TMIGD3: variants seen among roughly 807,000 people sequenced by gnomAD.
The protein encoded by TMIGD3 is transmembrane and immunoglobulin domain containing 3, also known as AD026 protein (AD026).
A neutral mutation model predicts 28.1 loss-of-function variants in TMIGD3; 21 were observed. The ratio of observed to expected loss-of-function variants is 0.75; its 90% CI spans 0.53 to 1.08. The LOEUF (loss-of-function observed/expected upper bound fraction) is 1.08. Ranked by LOEUF, TMIGD3 falls within the 50% of genes least tolerant of loss-of-function variation. The pLI, the probability that TMIGD3 is intolerant of heterozygous loss-of-function variation, is 0.00. For synonymous variants in TMIGD3, 151 were observed against 162.1 expected (o/e 0.93, Z 0.52); for missense variants, 416 against 435.6 (o/e 0.96, Z 0.40).
chr1:111,511,922 G>A lies in TMIGD3; in HGVS notation c.108-21160C>T, dbSNP rs999505452. ...TCTTGCCCCAAATCACAGTGTTCAT[G>A]ATGGGGTTTTTAGGACACAACACAT... is the stretch of plus-strand genomic sequence containing the variant. On this transcript the variant is annotated intron_variant, in intron 1 of 5. Transcript: ENST00000369717. Among the ~76,000 whole-genome samples, 40 of 152,200 alleles carry A rather than the reference G, an allele frequency of 2.6e-4. 1 individual carries two copies. The highest frequency in any genetic ancestry group is 8.9e-4 in the African/African-American group (37 of 41,446).
intron 1 of TMIGD3, among the ~76,000 whole-genome samples, chr1:111,522,267 T>C (rs1571433484): frequency 6.6e-6 from 1 of 152,360 alleles, no homozygotes; most frequent in East Asian, 1.9e-4. Context: ...CATACATACA[T>C]TTTAAAATCA....
intron 1 of TMIGD3, among the ~76,000 whole-genome samples, chr1:111,539,940 C>T (rs1267528040): frequency 1.3e-5 from 2 of 151,982 alleles, no homozygotes; most frequent in African/African-American, 4.8e-5. Context: ...ATGTTTGGTG[C>T]GTGACTAATG....
chr1:111,501,490 A>C (rs950909593), intron 1 of TMIGD3: 1 of 152,260 alleles, frequency 6.6e-6, no homozygotes, highest in South Asian at 2.1e-4. Flanking sequence ...TGAAAATAAT[A>C]GTAATGATAG....
intron 1 of TMIGD3, among the ~76,000 whole-genome samples, chr1:111,558,467 A>G (rs1163639093): frequency 6.6e-6 from 1 of 152,154 alleles, no homozygotes; most frequent in Non-Finnish European, 1.5e-5. Flanking sequence ...GACTACAGGC[A>G]TAAGCCAAAG....
At chr1:111,505,063 C>T, upstream of TMIGD3, 1 of 964,370 alleles carries the variant, frequency 1.0e-6, no homozygotes, top group Admixed American at 8.3e-5. Flanking sequence ...TAATTGTTTT[C>T]TTTATCTGTG....
intron 1 of TMIGD3, chr1:111,499,380 A>G: frequency 2.0e-6 from 2 of 984,400 alleles, no homozygotes; most frequent in South Asian, 9.3e-5. Flanking sequence ...AAAGACAGCC[A>G]GCTGGGTCTT....
chr1:111,500,795 G>T lies in TMIGD3; in HGVS notation c.350+2210C>A, dbSNP rs895316214. 1.1e-5 allele frequency: 6 copies of T among 552,576 alleles called. No individual in the cohort carries two copies. The Admixed American group carries it at 1.3e-4, about 12-fold the overall frequency. The allele number at this position is 552,576 out of a possible 1,614,324, so 34.2% of individuals were successfully genotyped here. On this transcript the variant is annotated intron_variant, in intron 1 of 5. Coordinates refer to ENST00000369716, the MANE Select transcript of TMIGD3 (RefSeq NM_020683.7). ...GAAAAATCCAGGAAACTTCTCTGGGGACTTTTCTAAAGAAGAAAACTCTTG... is the reference window on the plus strand; with the variant it reads ...GAAAAATCCAGGAAACTTCTCTGGGTACTTTTCTAAAGAAGAAAACTCTTG...
At chr1:111,563,439 G>A (rs1202446693) in intron 1 of TMIGD3, among the ~76,000 whole-genome samples, 1 of 152,150 alleles carries the variant, frequency 6.6e-6, no homozygotes, top group Non-Finnish European at 1.5e-5. Context: ...GTTCTCCAAG[G>A]CCAGATTGAG....
At chr1:111,550,704 C>CCCAT (rs1222962833) in intron 1 of TMIGD3, among the ~76,000 whole-genome samples, 2 of 152,164 alleles carry the variant, frequency 1.3e-5, no homozygotes, top group African/African-American at 2.4e-5. Flanking sequence ...CTATGTTGCC[C>CCCAT]AGCAGGCCTT....
chr1:111,500,576 C>A, intron 1 of TMIGD3: 1 of 1,610,130 alleles, frequency 6.2e-7, no homozygotes, highest in Non-Finnish European at 8.5e-7. Flanking sequence ...TGAAGAGAGT[C>A]AGTGAGTCCA....
At chr1:111,524,047 T>TGG (rs371004556) in intron 1 of TMIGD3, among the ~76,000 whole-genome samples, 14 of 130,272 alleles carry the variant, frequency 1.1e-4, no homozygotes, top group Non-Finnish European at 1.3e-4. Context: ...TTTTTTTTTT[T>TGG]GGGATGGAAT....
Position 111,485,853 on chromosome 1 carries a change from A to G in TMIGD3, c.873-13T>C, listed in dbSNP as rs746209274. On this transcript the variant is annotated splice_polypyrimidine_tract_variant and intron_variant, in intron 4 of 5. Coordinates refer to ENST00000369716, the MANE Select transcript of TMIGD3 (RefSeq NM_020683.7). Reference sequence around the variant, plus strand: ...GAGAATGGACGTCCTAGAAGGAACCACAGCAGATTTCATGTTGCTTGGAAG... The same window carrying G: ...GAGAATGGACGTCCTAGAAGGAACCGCAGCAGATTTCATGTTGCTTGGAAG... 2 of 1,591,692 alleles carry G rather than the reference A, an allele frequency of 1.3e-6. No individual in the cohort carries two copies. Among genetic ancestry groups the G allele is most frequent in the South Asian group, 2.3e-5 (2 of 88,484 alleles).
intron 1 of TMIGD3, among the ~76,000 whole-genome samples, chr1:111,523,517 A>G (rs1656149947): frequency 6.6e-6 from 1 of 152,160 alleles, no homozygotes; most frequent in South Asian, 2.1e-4. Context: ...CAAAGAGTGG[A>G]TTTCATAGAA....
chr1:111,537,380 C>T (rs1656673052), intron 1 of TMIGD3, among the ~76,000 whole-genome samples: 1 of 152,130 alleles, frequency 6.6e-6, no homozygotes, highest in Non-Finnish European at 1.5e-5. Context: ...ATTTATAGCT[C>T]CTAGCACAGC....
chr1:111,499,667 C>G, intron 1 of TMIGD3: 1 of 1,201,696 alleles, frequency 8.3e-7, no homozygotes, highest in Non-Finnish European at 1.0e-6. Flanking sequence ...ATGACTTATT[C>G]TTCTATTGGG....
At chr1:111,502,049 A>ATATAATAAATATATAGGATATATATAT (rs71099910) in intron 1 of TMIGD3, among the ~76,000 whole-genome samples, 10,762 of 90,402 alleles carry the variant, frequency 0.12, 3,446 homozygotes, top group Middle Eastern at 0.18. Context: ...TATATATTTA[A>ATATAATAAATATATAGGATATATATAT]TATAATAAAT....
rs150902315 is a variant in TMIGD3 at position 111,552,568 on chromosome 1, A to G, written c.107+11278T>C. ...ACCATAATTCACCATTTTTTTATCC[A>G]CTATATCCAGAAAATCACCAAAGAC... On this transcript the variant is annotated intron_variant, in intron 1 of 5. Transcript: ENST00000369717. Among the ~76,000 whole-genome samples the G allele has an allele frequency of 3.3e-5, 5 of 152,260 alleles. No homozygotes were observed. The East Asian group carries it at 9.6e-4, about 29-fold the overall frequency.
chr1:111,497,706 A>T (rs918205280), intron 1 of TMIGD3, among the ~76,000 whole-genome samples: 2 of 152,192 alleles, frequency 1.3e-5, no homozygotes, highest in African/African-American at 4.8e-5. Flanking sequence ...GAAGAAAAGA[A>T]AAAAGTAAAA....
chr1:111,519,780 C>T (rs1274182706), intron 1 of TMIGD3, among the ~76,000 whole-genome samples: 4 of 151,780 alleles, frequency 2.6e-5, no homozygotes, highest in Admixed American at 2.6e-4. Flanking sequence ...GCAACCTCCA[C>T]CTCCCAGGTT....
Sources: allele counts gnomAD v4.1 joint callset (sites outside exome capture counted in the v4.1 genomes callset), GRCh38; gene constraint gnomAD v4.1.1; transcripts MANE v1.5; gene names NCBI Gene and HGNC (gene_info 2026-07-23, HGNC 2026-07-21).